Variants in KANSL2 observed in about 807,000 individuals in gnomAD.
The protein encoded by KANSL2 is NSL complex protein NSL2.
Under a neutral mutation model 55.6 loss-of-function variants are expected in KANSL2, and 34 were observed. The observed-to-expected ratio is 0.61, with a 90% CI of 0.46 to 0.81. KANSL2 has a LOEUF of 0.81. KANSL2 is among the 40% of genes least tolerant of loss of function. KANSL2 has a pLI of 0.00. For synonymous variants in KANSL2, 209 were observed against 214.3 expected (o/e 0.98, Z 0.22); for missense variants, 502 against 609.9 (o/e 0.82, Z 1.86).
rs1218403212 is a variant in KANSL2, at chr12:48,654,963, G to A, written c.1325C>T (p.Ala442Val). Residue 442 changes from alanine to valine, a missense_variant, in exon 9 of 10, where the codon GCT becomes GTT. Physicochemically the swap from Ala to Val is moderately conservative, Grantham distance 64. Coordinates refer to ENST00000420613, the MANE Select transcript of KANSL2 (RefSeq NM_017822.4). Reference protein sequence around the residue: ...TLEDHLVKEIAEDPVDILGQM... With the variant: ...TLEDHLVKEIVEDPVDILGQM... ...TGCCAAAATATCCACTGGGTCTTCA[G>A]CAATTTCTTTGACTAAATGATCTTC... 1 of 1,573,818 alleles carries A rather than the reference G, an allele frequency of 6.4e-7. No homozygotes were observed. Among genetic ancestry groups the A allele is most frequent in the Non-Finnish European group, 8.6e-7 (1 of 1,159,202 alleles).
At chr12:48,662,658 G>T (rs1445563766) in intron 7 of KANSL2, 1 of 1,286,822 alleles carries the variant, frequency 7.8e-7, no homozygotes, top group South Asian at 1.2e-5. Context: ...TCTTTCTCTG[G>T]GATAAGGACT....
chr12:48,673,787 C>T (rs770018429), intron 4 of KANSL2, among the ~76,000 whole-genome samples: 4 of 151,512 alleles, frequency 2.6e-5, no homozygotes, highest in Admixed American at 6.6e-5. Context: ...CCTGTCAATA[C>T]AAAAAATACA....
At position 48,672,395 on chromosome 12, in the gene KANSL2, ATATATATATATACG is replaced by A. The variant is rs1284772178; in HGVS notation, c.546-447_546-434del. 3.7e-5 allele frequency among the ~76,000 whole-genome samples: 5 copies of A among 135,676 alleles called. No individual in the cohort carries two copies. In the South Asian group the frequency reaches 1.2e-3, roughly 32 times the overall value. The allele number at this position is 135,676 out of a possible 152,430, so 89.0% of individuals were successfully genotyped here. On this transcript the variant is annotated intron_variant, in intron 4 of 9. Coordinates refer to ENST00000420613, the MANE Select transcript of KANSL2 (RefSeq NM_017822.4). ...TATATACGTATATATATATACATGT[ATATATATATATACG>A]TATATATATATATATATATATATAT...
chr12:48,662,969 C>T (rs1939516295), intron 7 of KANSL2, among the ~76,000 whole-genome samples: 1 of 152,164 alleles, frequency 6.6e-6, no homozygotes, highest in South Asian at 2.1e-4. Flanking sequence ...GTATTGTTCC[C>T]TTCCAGTATT....
intron 9 of KANSL2, chr12:48,654,467 C>G (rs1939339117): frequency 3.0e-6 from 2 of 668,596 alleles, no homozygotes; most frequent in Non-Finnish European, 5.8e-6. Context: ...CTTTAGGCCT[C>G]TGCTTGAAAC....
chr12:48,656,545 T>G (rs1042607476), intron 8 of KANSL2: 1 of 354,322 alleles, frequency 2.8e-6, no homozygotes, highest in Non-Finnish European at 5.5e-6. Flanking sequence ...GTGCTGGGAT[T>G]ACAGGCATGA....
At chr12:48,662,613 A>C in intron 7 of KANSL2, 1 of 1,288,224 alleles carries the variant, frequency 7.8e-7, no homozygotes, top group Non-Finnish European at 1.0e-6. Context: ...ATTAGACCAC[A>C]GTAAAGAGTT....
intron 5 of KANSL2, among the ~76,000 whole-genome samples, chr12:48,669,784 C>T (rs1256724390): frequency 6.6e-6 from 1 of 151,546 alleles, no homozygotes; most frequent in Admixed American, 6.6e-5. Flanking sequence ...GCTGGGATTA[C>T]AGGCATGAGC....
At position 48,675,421 on chromosome 12, in the gene KANSL2, C is replaced by T. The variant is rs375917791; in HGVS notation, c.546-3459G>A. ...GTCCGTCTCAAAAATAAATACATAA[C>T]GGTTTCACAAGGTGACTAAGTTACA... On this transcript the variant is annotated intron_variant, in intron 4 of 9. Transcript: ENST00000420613. 7.9e-5 allele frequency among the ~76,000 whole-genome samples: 12 copies of T among 151,996 alleles called. No individual in the cohort carries two copies. The East Asian group carries it at 9.6e-4, about 12-fold the overall frequency.
intron 2 of KANSL2, 76 bp downstream of exon 2, chr12:48,681,306 G>C: frequency 6.7e-7 from 1 of 1,488,036 alleles, no homozygotes. Flanking sequence ...AAACGCGGCA[G>C]CTATGCTGAA....
At chr12:48,665,387 A>G (rs1939577260) in intron 7 of KANSL2, among the ~76,000 whole-genome samples, 1 of 151,984 alleles carries the variant, frequency 6.6e-6, no homozygotes, top group Non-Finnish European at 1.5e-5. Context: ...ACACGGTGAA[A>G]CCCCATCTCT....
At chr12:48,657,338 T>C (rs993445687) in intron 8 of KANSL2, among the ~76,000 whole-genome samples, 6 of 152,162 alleles carry the variant, frequency 3.9e-5, no homozygotes, top group East Asian at 1.9e-4. Flanking sequence ...GGCAGGAGAA[T>C]TGCTTGAACC....
Position 48,669,103 on chromosome 12 carries a change from T to C in KANSL2, c.876+3A>G. Reference sequence around the variant, plus strand: ...ATACCTTAAAGGTATACACACAAATTACCTGTTGGGCAGCACCATCTGTGG... The same window carrying C: ...ATACCTTAAAGGTATACACACAAATCACCTGTTGGGCAGCACCATCTGTGG... On this transcript the variant is annotated splice_donor_region_variant and intron_variant, in intron 6 of 9. Coordinates refer to ENST00000420613, the MANE Select transcript of KANSL2 (RefSeq NM_017822.4). The C allele has an allele frequency of 6.5e-7, 1 of 1,533,804 alleles. No homozygotes were observed. The highest frequency in any genetic ancestry group is 2.5e-5 in the East Asian group (1 of 40,622).
At chr12:48,673,952 AAAAT>A (rs928832766) in intron 4 of KANSL2, among the ~76,000 whole-genome samples, 8 of 152,076 alleles carry the variant, frequency 5.3e-5, no homozygotes, top group South Asian at 2.1e-4. Context: ...CCATGTCTCA[AAAAT>A]AAATAAATAA....
chr12:48,679,846 A>AACAT lies in KANSL2; in HGVS notation c.252-17_252-14dup. 16 of 1,574,082 alleles carry AACAT rather than the reference A, an allele frequency of 1.0e-5. No individual in the cohort carries two copies. Among genetic ancestry groups the AACAT allele is most frequent in the Non-Finnish European group, 1.4e-5 (16 of 1,159,618 alleles). The stretch of plus-strand genomic sequence containing the variant: ...ACAGAAGGACACCCTGAAGAGACAA[A>AACAT]ACATTAATATTTTATAAGTTCCTTC... On this transcript the variant is annotated splice_polypyrimidine_tract_variant and intron_variant, in intron 2 of 9. Transcript: ENST00000420613.
At chr12:48,678,431 T>C (rs1939863860) in intron 4 of KANSL2, among the ~76,000 whole-genome samples, 1 of 152,132 alleles carries the variant, frequency 6.6e-6, no homozygotes, top group African/African-American at 2.4e-5. Flanking sequence ...AACCAAACTC[T>C]TGAATACCTT....
At position 48,681,575 on chromosome 12, in the gene KANSL2, G is replaced by C. The variant is rs756965527; in HGVS notation, c.58C>G (p.Pro20Ala). 2 of 1,613,860 alleles carry C rather than the reference G, an allele frequency of 1.2e-6. No individual in the cohort carries two copies. The highest frequency in any genetic ancestry group is 2.2e-5 in the South Asian group (2 of 91,090). ...PTNRGRITPVPRSQEPLSCAF... is the reference protein window; with the variant it reads ...PTNRGRITPVARSQEPLSCAF... The stretch of plus-strand genomic sequence containing the variant: ...CAAGACAGAGGTTCCTGAGACCTGG[G>C]CACTGGAGTGATCCTCCCCCGATTG... Residue 20 changes from proline to alanine, a missense_variant, in exon 2 of 10, where the codon CCC becomes GCC. Transcript: ENST00000420613.
chr12:48,655,552 G>C (rs1249846912), intron 8 of KANSL2, among the ~76,000 whole-genome samples: 1 of 144,906 alleles, frequency 6.9e-6, no homozygotes, highest in Non-Finnish European at 1.5e-5. Flanking sequence ...CTGGGTGGCA[G>C]AGCCAGACCC....
chr12:48,659,356 T>C (rs1939447832), intron 8 of KANSL2, among the ~76,000 whole-genome samples: 1 of 151,152 alleles, frequency 6.6e-6, no homozygotes, highest in Admixed American at 6.6e-5. Context: ...TCCCAGCACT[T>C]TGGGAGGCCA....
Sources: allele counts gnomAD v4.1 joint callset (sites outside exome capture counted in the v4.1 genomes callset), GRCh38; gene constraint gnomAD v4.1.1; transcripts MANE v1.5; gene names NCBI Gene and HGNC (gene_info 2026-07-23, HGNC 2026-07-21).